The following LHPP variants were observed in gnomAD, a reference collection of about 807,000 sequenced individuals.
LHPP encodes the protein hLHPP.
A neutral mutation model predicts 30.3 loss-of-function variants in LHPP; 24 were observed. That is an observed-to-expected ratio of 0.79 (90% CI 0.57 to 1.11). The LOEUF is 1.11. Ranked by LOEUF, LHPP falls within the 50% of genes most tolerant of loss-of-function variation. LHPP has a pLI of 0.00. For synonymous variants in LHPP, 150 were observed against 157.1 expected, an observed-to-expected ratio of 0.95 and a Z score of 0.34; for missense variants, 356 against 367.2, an observed-to-expected ratio of 0.97 and a Z score of 0.25.
chr10:124,548,146 G>A (rs933658301), intron 6 of LHPP, among the ~76,000 whole-genome samples: 1 of 152,088 alleles, frequency 6.6e-6, no homozygotes, highest in Non-Finnish European at 1.5e-5. Context: ...CTAAAGTTCA[G>A]AAAAATCCAG....
intron 6 of LHPP, among the ~76,000 whole-genome samples, chr10:124,559,278 G>A (rs989930962): frequency 9.2e-5 from 14 of 152,360 alleles, no homozygotes; most frequent in African/African-American, 3.4e-4. Flanking sequence ...TTGAAGTTAG[G>A]AATGTTTGCT....
At chr10:124,553,465 T>TC (rs1276998634) in intron 6 of LHPP, among the ~76,000 whole-genome samples, 2 of 140,042 alleles carry the variant, frequency 1.4e-5, no homozygotes, top group Non-Finnish European at 3.1e-5. Context: ...TTTTTTTTTT[T>TC]TTTTTTTTTT....
intron 6 of LHPP, among the ~76,000 whole-genome samples, chr10:124,530,654 C>G (rs2133930919): frequency 6.6e-6 from 1 of 152,364 alleles, no homozygotes. Flanking sequence ...CCCCCATGCC[C>G]TGTGTGCCCT....
intron 1 of LHPP, among the ~76,000 whole-genome samples, chr10:124,477,016 G>A (rs1409625629): frequency 6.6e-6 from 1 of 152,196 alleles, no homozygotes; most frequent in Non-Finnish European, 1.5e-5. Flanking sequence ...GACCAGCCTA[G>A]CCAACATAGC....
chr10:124,470,982 A>G (rs1952715168), intron 1 of LHPP, among the ~76,000 whole-genome samples: 1 of 152,092 alleles, frequency 6.6e-6, no homozygotes, highest in Admixed American at 6.5e-5. Flanking sequence ...CTGTGATTTC[A>G]GCTGTCATTT....
At chr10:124,484,452 G>T in intron 2 of LHPP, 126 bp downstream of exon 2, 1 of 934,028 alleles carries the variant, frequency 1.1e-6, no homozygotes, top group Non-Finnish European at 1.6e-6. Context: ...ACACTCATGG[G>T]TTGGGGGTAA....
chr10:124,594,329 CAAAAA>C (rs71026102), intron 6 of LHPP, among the ~76,000 whole-genome samples: 22 of 75,338 alleles, frequency 2.9e-4, no homozygotes, highest in Non-Finnish European at 2.2e-4. Flanking sequence ...GACTCCATCT[CAAAAA>C]AAAAAAAAAA....
At chr10:124,533,706 A>G (rs1954951559) in intron 6 of LHPP, among the ~76,000 whole-genome samples, 1 of 152,188 alleles carries the variant, frequency 6.6e-6, no homozygotes, top group Non-Finnish European at 1.5e-5. Context: ...CACCCGCACT[A>G]TATCCAAGAC....
chr10:124,479,860 G>A (rs1468215943), intron 1 of LHPP, among the ~76,000 whole-genome samples: 1 of 152,198 alleles, frequency 6.6e-6, no homozygotes, highest in African/African-American at 2.4e-5. Flanking sequence ...TCTGTCTCCT[G>A]GGGCCTCCAT....
intron 5 of LHPP, among the ~76,000 whole-genome samples, chr10:124,511,654 G>A (rs1240796940): frequency 2.0e-5 from 3 of 152,198 alleles, no homozygotes; most frequent in Admixed American, 6.5e-5. Flanking sequence ...AGTCCATGCC[G>A]AGTGGCAGAA....
intron 2 of LHPP, 54 bp downstream of exon 2, chr10:124,484,380 G>A: frequency 6.5e-7 from 1 of 1,536,490 alleles, no homozygotes; most frequent in Non-Finnish European, 8.9e-7. Context: ...CCTTTCCCAG[G>A]GTGGGGGCTG....
intron 6 of LHPP, among the ~76,000 whole-genome samples, chr10:124,565,607 C>T (rs1031841038): frequency 2.0e-5 from 3 of 152,206 alleles, no homozygotes; most frequent in African/African-American, 4.8e-5. Flanking sequence ...TTGTTCAGGA[C>T]GGAGCCTGAC....
chr10:124,470,946 G>A (rs1952714489), intron 1 of LHPP, among the ~76,000 whole-genome samples: 1 of 152,096 alleles, frequency 6.6e-6, no homozygotes, highest in African/African-American at 2.4e-5. Context: ...TCAGAGATGG[G>A]AGCCGGTGCT....
At chr10:124,595,026 C>A (rs1265203106) in intron 6 of LHPP, among the ~76,000 whole-genome samples, 1 of 152,218 alleles carries the variant, frequency 6.6e-6, no homozygotes, top group African/African-American at 2.4e-5. Flanking sequence ...AAACATTACC[C>A]AGTCTCAGGT....
intron 6 of LHPP, among the ~76,000 whole-genome samples, chr10:124,542,484 C>A (rs34684949): frequency 6.6e-6 from 1 of 152,146 alleles, no homozygotes; most frequent in Non-Finnish European, 1.5e-5. Context: ...CAGGGTCTCC[C>A]TGGGACTGGA....
At chr10:124,579,845 T>A (rs1476279078) in intron 6 of LHPP, among the ~76,000 whole-genome samples, 4 of 152,024 alleles carry the variant, frequency 2.6e-5, no homozygotes, top group African/African-American at 7.3e-5. Context: ...AGATATACGC[T>A]GTTGATGACT....
intron 6 of LHPP, among the ~76,000 whole-genome samples, chr10:124,558,244 G>A (rs1948334961): frequency 6.6e-6 from 1 of 152,198 alleles, no homozygotes; most frequent in South Asian, 2.1e-4. Context: ...GCTGCCTGTG[G>A]CCTCCCTGAG....
intron 6 of LHPP, among the ~76,000 whole-genome samples, chr10:124,524,181 C>T (rs930891083): frequency 1.3e-5 from 2 of 152,088 alleles, no homozygotes; most frequent in African/African-American, 4.8e-5. Flanking sequence ...AGCCTCAAAT[C>T]GTTTAGCTAT....
chr10:124,488,643 G>C, intron 3 of LHPP, 68 bp downstream of exon 3: 1 of 1,444,386 alleles, frequency 6.9e-7, no homozygotes, highest in Non-Finnish European at 9.4e-7. Flanking sequence ...TCCAACTTGC[G>C]GAATCAGGCA....
Sources: allele counts gnomAD v4.1 joint callset (sites outside exome capture counted in the v4.1 genomes callset), GRCh38; gene constraint gnomAD v4.1.1; transcripts MANE v1.5; gene names NCBI Gene and HGNC (gene_info 2026-07-23, HGNC 2026-07-21).